The following OR51B5 variants were observed in gnomAD, a reference collection of about 807,000 sequenced individuals.
OR51B5 encodes the protein olfactory receptor family 51 subfamily B member 5.
For synonymous variants in OR51B5, 186 were observed against 144.8 expected, an observed-to-expected ratio of 1.28 and a Z score of -2.04; for missense variants, 456 against 374.6, an observed-to-expected ratio of 1.22 and a Z score of -1.79.
chr11:5,479,561 A>G (rs944267746), intron 1 of OR51B5, among the ~76,000 whole-genome samples: 6 of 151,312 alleles, frequency 4.0e-5, no homozygotes, highest in African/African-American at 1.5e-4. Flanking sequence ...AAAGACACAG[A>G]CTGGCAAATT....
intron 1 of OR51B5, chr11:5,456,451 T>C (rs1850960236): frequency 6.6e-6 from 1 of 152,198 alleles, no homozygotes; most frequent in East Asian, 1.9e-4. Context: ...CTGTTTTTGT[T>C]TTTTTGACCT....
chr11:5,422,671 G>T (rs774266998), intron 1 of OR51B5: 10 of 1,613,986 alleles, frequency 6.2e-6, no homozygotes, highest in Non-Finnish European at 8.5e-6. Flanking sequence ...GTGTTCTGGC[G>T]GTTCTTCCCT....
intron 1 of OR51B5, among the ~76,000 whole-genome samples, chr11:5,438,669 A>G (rs553996786): frequency 4.2e-4 from 64 of 152,304 alleles, no homozygotes; most frequent in Admixed American, 1.2e-3. Context: ...AAAACTCTAA[A>G]TATTTGTTCA....
chr11:5,422,634 G>GA, intron 1 of OR51B5: 2 of 1,614,040 alleles, frequency 1.2e-6, no homozygotes, highest in Non-Finnish European at 1.7e-6. Flanking sequence ...GTCATTGGTA[G>GA]AACTGGGTTA....
At chr11:5,369,993 T>A (rs539853059) in intron 1 of OR51B5, among the ~76,000 whole-genome samples, 9 of 152,272 alleles carry the variant, frequency 5.9e-5, no homozygotes, top group African/African-American at 2.2e-4. Flanking sequence ...TCTGTGTCAA[T>A]CTGTATCAAC....
intron 1 of OR51B5, among the ~76,000 whole-genome samples, chr11:5,465,404 T>A (rs1236163229): frequency 6.6e-6 from 1 of 151,992 alleles, no homozygotes; most frequent in Non-Finnish European, 1.5e-5. Context: ...AATGTCTTCT[T>A]TTGAGAAGTG....
At chr11:5,469,688 T>G (rs1419937990) in intron 1 of OR51B5, among the ~76,000 whole-genome samples, 2 of 152,178 alleles carry the variant, frequency 1.3e-5, no homozygotes, top group African/African-American at 4.8e-5. Context: ...TATCCTTTAT[T>G]TTTCTTGTGT....
At chr11:5,481,756 T>C (rs1329366122) in intron 1 of OR51B5, among the ~76,000 whole-genome samples, 1 of 118,164 alleles carries the variant, frequency 8.5e-6, no homozygotes, top group East Asian at 3.4e-4. Context: ...CCATTCACAA[T>C]TGCTTCAAAG....
At position 5,356,832 on chromosome 11, in the gene OR51B5, A is replaced by T. The variant is rs547505855; in HGVS notation, n.85-9922T>A. On this transcript the variant is annotated intron_variant and non_coding_transcript_variant, in intron 1 of 4. Coordinates refer to the OR51B5 transcript ENST00000415970. ...GTGGGGGCCAATATTCAACATCCTT[A>T]AAGGAAAGAATTTTCAACACAGAAT... 2.5e-4 allele frequency among the ~76,000 whole-genome samples: 32 copies of T among 126,594 alleles called. 5 individuals are homozygous for T. In the South Asian group the frequency reaches 8.3e-3, roughly 33 times the overall value. The allele number at this position is 126,594 out of a possible 152,430, so 83.1% of individuals were successfully genotyped here.
At chr11:5,362,125 A>C (rs1467047048) in intron 1 of OR51B5, among the ~76,000 whole-genome samples, 1 of 152,254 alleles carries the variant, frequency 6.6e-6, no homozygotes, top group Non-Finnish European at 1.5e-5. Flanking sequence ...AACCAAAGTC[A>C]GAGAGAGCTT....
At chr11:5,474,312 A>G (rs932431603) in intron 1 of OR51B5, among the ~76,000 whole-genome samples, 2 of 152,202 alleles carry the variant, frequency 1.3e-5, no homozygotes, top group Admixed American at 6.5e-5. Flanking sequence ...CATGATTATA[A>G]ACAGATGTAC....
intron 1 of OR51B5, among the ~76,000 whole-genome samples, chr11:5,388,386 AAACTT>A (rs1254571505): frequency 1.3e-5 from 2 of 151,712 alleles, no homozygotes; most frequent in Non-Finnish European, 2.9e-5. Context: ...TATTCAAACT[AAACTT>A]GGGGAATTTA....
chr11:5,405,159 T>TA, intron 1 of OR51B5, among the ~76,000 whole-genome samples: 1 of 152,208 alleles, frequency 6.6e-6, no homozygotes. Flanking sequence ...GAAATTAAGA[T>TA]TTTTAACATA....
chr11:5,434,549 G>T (rs371398093), intron 1 of OR51B5, among the ~76,000 whole-genome samples: 1 of 152,236 alleles, frequency 6.6e-6, no homozygotes, highest in East Asian at 1.9e-4. Context: ...CTCTCCTGAA[G>T]ATCCTGACCT....
intron 1 of OR51B5, among the ~76,000 whole-genome samples, chr11:5,449,133 C>T (rs765420202): frequency 6.6e-6 from 1 of 152,180 alleles, no homozygotes; most frequent in African/African-American, 2.4e-5. Flanking sequence ...GAGAATTGGT[C>T]TGACAGATTG....
chr11:5,352,122 C>G (rs766271397), intron 1 of OR51B5: 5 of 1,614,148 alleles, frequency 3.1e-6, no homozygotes, highest in Admixed American at 1.7e-5. Context: ...TTGCAATGGT[C>G]TTGTTGGACT....
At chr11:5,402,295 A>G (rs1371500119) in intron 1 of OR51B5, among the ~76,000 whole-genome samples, 2 of 152,196 alleles carry the variant, frequency 1.3e-5, no homozygotes. Flanking sequence ...AATTACAGGC[A>G]TGAGCCACTG....
intron 1 of OR51B5, among the ~76,000 whole-genome samples, chr11:5,414,107 G>A (rs2133753190): frequency 6.6e-6 from 1 of 152,094 alleles, no homozygotes; most frequent in Admixed American, 6.6e-5. Flanking sequence ...CTACAAGCCA[G>A]AAGAGAGTGG....
At chr11:5,481,546 G>A (rs1367426919) in intron 1 of OR51B5, among the ~76,000 whole-genome samples, 9 of 148,494 alleles carry the variant, frequency 6.1e-5, no homozygotes, top group African/African-American at 2.3e-4. Flanking sequence ...GGGTATTCAA[G>A]CAGGAAAAGA....
Sources: allele counts gnomAD v4.1 joint callset (sites outside exome capture counted in the v4.1 genomes callset), GRCh38; gene constraint gnomAD v4.1.1; transcripts MANE v1.5; gene names NCBI Gene and HGNC (gene_info 2026-07-23, HGNC 2026-07-21).